STS: variants seen among roughly 807,000 people sequenced by gnomAD.
STS encodes steroid sulfatase.
A neutral mutation model predicts 26.8 loss-of-function variants in STS; 7 were observed. That is an observed-to-expected ratio of 0.26 (90% CI 0.15 to 0.49). STS has a LOEUF of 0.49. STS is among the 20% of genes least tolerant of loss of function. The pLI is 0.98. For missense variants in STS, 434 were observed against 465.6 expected, an observed-to-expected ratio of 0.93 and a Z score of 0.63; for synonymous variants, 199 against 189.4, an observed-to-expected ratio of 1.05 and a Z score of -0.42.
At chrX:7,292,109 A>G (rs539858053) in intron 7 of STS, among the ~76,000 whole-genome samples, 1 of 112,909 alleles carries the variant, frequency 8.9e-6, no homozygotes, top group South Asian at 3.6e-4. Flanking sequence ...ACAACTTGAC[A>G]TTTTGGTTTT....
intron 9 of STS, among the ~76,000 whole-genome samples, chrX:7,331,421 T>C (rs1601753345): frequency 9.1e-6 from 1 of 110,142 alleles, no homozygotes; most frequent in African/African-American, 3.3e-5. Flanking sequence ...CCAAGAGCCA[T>C]GAGGGCACTA....
At chrX:7,345,386 A>G (rs1928482802) in intron 10 of STS, among the ~76,000 whole-genome samples, 1 of 111,396 alleles carries the variant, frequency 9.0e-6, no homozygotes, top group African/African-American at 3.3e-5. Flanking sequence ...TATAACCAAG[A>G]TCTGAGTCCT....
intron 2 of STS, among the ~76,000 whole-genome samples, chrX:7,245,444 C>G (rs1307097156): frequency 8.9e-6 from 1 of 112,237 alleles, no homozygotes; most frequent in Non-Finnish European, 1.9e-5. Flanking sequence ...TTCTTTGATA[C>G]TTGCTCAACC....
In STS at chrX:7,181,224, C is replaced by T. The variant is rs771420472; in HGVS notation, c.-133-9656C>T. Among the ~76,000 whole-genome samples the T allele has an allele frequency of 1.6e-4, 18 of 112,199 alleles. No individual in the cohort carries two copies. In the South Asian group the frequency reaches 1.9e-3, roughly 12 times the overall value. On this transcript the variant is annotated intron_variant, in intron 1 of 10. Transcript: ENST00000674429. Reference sequence around the variant, plus strand: ...AAATCTCAGTGTTACACAATATACTCGTGTAACAAACCTGTACATGTATCC... The same window carrying T: ...AAATCTCAGTGTTACACAATATACTTGTGTAACAAACCTGTACATGTATCC...
intron 1 of STS, among the ~76,000 whole-genome samples, chrX:7,153,727 T>C (rs1933074552): frequency 1.1e-5 from 1 of 90,700 alleles, no homozygotes; most frequent in Non-Finnish European, 2.1e-5. Flanking sequence ...GTCCTCCTCC[T>C]CCTCGACTCC....
At chrX:7,222,630 A>G (rs1211167805) in intron 2 of STS, among the ~76,000 whole-genome samples, 6 of 110,785 alleles carry the variant, frequency 5.4e-5, no homozygotes, top group Admixed American at 9.6e-5. Context: ...AGACTTTGCA[A>G]TGTTTTCCAT....
Position 7,150,758 on chromosome X carries a change from CTG to C in STS, c.-134+2676_-134+2677del, listed in dbSNP as rs1273336315. 2.7e-5 allele frequency among the ~76,000 whole-genome samples: 3 copies of C among 109,450 alleles called. No individual in the cohort carries two copies. The East Asian group carries it at 8.6e-4, about 31-fold the overall frequency. Reference sequence around the variant, plus strand: ...CTTTGCTTAAAAAAAAAAAAACAAACTGAATGGTGAATGCTTCTCTGTCACAA... The same window carrying C: ...CTTTGCTTAAAAAAAAAAAAACAAACAATGGTGAATGCTTCTCTGTCACAA... On this transcript the variant is annotated intron_variant, in intron 1 of 10. Coordinates refer to ENST00000674429, the MANE Select transcript of STS (RefSeq NM_001320752.2).
At chrX:7,239,970 C>T (rs965253926) in intron 2 of STS, among the ~76,000 whole-genome samples, 9 of 107,116 alleles carry the variant, frequency 8.4e-5, no homozygotes, top group Admixed American at 8.1e-4. Flanking sequence ...CTGCAACCTC[C>T]GCCTCCCAGG....
At chrX:7,170,106 T>G (rs1023375614) in intron 1 of STS, among the ~76,000 whole-genome samples, 1 of 111,684 alleles carries the variant, frequency 9.0e-6, no homozygotes, top group Admixed American at 9.5e-5. Flanking sequence ...AATCACAGAT[T>G]ATAGGGTCTT....
intron 10 of STS, among the ~76,000 whole-genome samples, chrX:7,344,791 G>A (rs1356059674): frequency 8.9e-6 from 1 of 111,893 alleles, no homozygotes; most frequent in Non-Finnish European, 1.9e-5. Context: ...GCACACTCAC[G>A]TTGTGTGATG....
chrX:7,284,696 C>T (rs1283104006), intron 7 of STS, among the ~76,000 whole-genome samples: 1 of 111,808 alleles, frequency 8.9e-6, no homozygotes, highest in Non-Finnish European at 1.9e-5. Flanking sequence ...GACACTGGCT[C>T]CAGACTAGAC....
At chrX:7,197,875 C>A (rs1933999689) in intron 2 of STS, among the ~76,000 whole-genome samples, 1 of 111,548 alleles carries the variant, frequency 9.0e-6, no homozygotes. Flanking sequence ...CCCTACGATG[C>A]ACAGCGTGCC....
At chrX:7,152,177 T>A (rs775661254) in intron 1 of STS, among the ~76,000 whole-genome samples, 1 of 109,733 alleles carries the variant, frequency 9.1e-6, no homozygotes, top group Non-Finnish European at 1.9e-5. Flanking sequence ...TGGTCTCGAT[T>A]TCCTGACCTT....
chrX:7,279,160 C>G (rs912044585), intron 7 of STS, among the ~76,000 whole-genome samples: 1 of 107,490 alleles, frequency 9.3e-6, no homozygotes, highest in Admixed American at 1.0e-4. Context: ...AAAAATTAGC[C>G]GGGCATGGTG....
At position 7,215,014 on chromosome X, in the gene STS, A is replaced by G. The variant is rs1032255223; in HGVS notation, c.-5+24006A>G. Among the ~76,000 whole-genome samples the G allele has an allele frequency of 4.9e-3, 362 of 74,348 alleles. 4 individuals carry two copies. Among genetic ancestry groups the G allele is most frequent in the Middle Eastern group, 0.013 (2 of 150 alleles). The allele number at this position is 74,348 out of a possible 115,157, so 64.6% of individuals were successfully genotyped here. On this transcript the variant is annotated intron_variant, in intron 2 of 10. Coordinates refer to ENST00000674429, the MANE Select transcript of STS (RefSeq NM_001320752.2). ...TACGTATATATACATATATACGTAT[A>G]TATATATATTATATATGTATATATA...
chrX:7,253,778 C>T (rs1179022140), intron 3 of STS, among the ~76,000 whole-genome samples: 6 of 112,081 alleles, frequency 5.4e-5, no homozygotes, highest in African/African-American at 1.9e-4. Context: ...CTCTTCTAGC[C>T]CAGGCCCTAC....
Position 7,305,091 on chromosome X carries a change from C to T in STS, c.989C>T (p.Thr330Ile), listed in dbSNP as rs149850335. The change falls in exon 8 of 11, where the codon ACC becomes ATC. Residue 330 changes from threonine (T) to isoleucine (I), a missense_variant. Around this residue, in one of 2 missense-constraint regions of STS, gnomAD observed 229 missense variants for 288.3 expected, o/e 0.79. Coordinates refer to ENST00000674429, the MANE Select transcript of STS (RefSeq NM_001320752.2). ...GATGAGCTGAGATTGGCTAATGATA[C>T]CCTCATCTACTTCACATCGGACCAG... is the stretch of plus-strand genomic sequence containing the variant. ...LLDELRLAND[T>I]LIYFTSDQGA... 10 of 1,209,177 alleles carry T rather than the reference C, an allele frequency of 8.3e-6. No individual in the cohort carries two copies. In the African/African-American group the frequency reaches 8.7e-5, roughly 11 times the overall value.
intron 7 of STS, among the ~76,000 whole-genome samples, chrX:7,283,274 T>A (rs998237037): frequency 2.7e-5 from 3 of 111,649 alleles, no homozygotes; most frequent in Middle Eastern, 4.7e-3. Context: ...AGAAAGAACC[T>A]CTAAAAGAAA....
At chrX:7,222,232 T>C (rs1048845554) in intron 2 of STS, among the ~76,000 whole-genome samples, 2 of 112,124 alleles carry the variant, frequency 1.8e-5, no homozygotes, top group Non-Finnish European at 3.8e-5. Flanking sequence ...TATCGTACTT[T>C]GGCATAACAG....
Sources: allele counts gnomAD v4.1 joint callset (sites outside exome capture counted in the v4.1 genomes callset), GRCh38; gene constraint gnomAD v4.1.1; regional missense constraint gnomAD v4.1.1; transcripts MANE v1.5; gene names NCBI Gene and HGNC (gene_info 2026-07-23, HGNC 2026-07-21).